The following ITFG1 variants were observed in gnomAD, a reference collection of about 807,000 sequenced individuals.
The protein encoded by ITFG1 is T-cell immunomodulatory protein.
A neutral mutation model predicts 81.8 loss-of-function variants in ITFG1; 34 were observed. That is an observed-to-expected ratio of 0.42 (90% CI 0.32 to 0.55). The LOEUF (loss-of-function observed/expected upper bound fraction) is 0.55, where lower values mean the gene tolerates loss of function less well. ITFG1 is among the 20% of genes least tolerant of loss of function. The pLI is 0.17. For missense variants in ITFG1, 672 were observed against 755.4 expected (o/e 0.89, Z 1.29); for synonymous variants, 285 against 270.6 (o/e 1.05, Z -0.52).
intron 8 of ITFG1, among the ~76,000 whole-genome samples, chr16:47,327,678 C>T (rs1284400144): frequency 1.3e-5 from 2 of 152,176 alleles, no homozygotes; most frequent in African/African-American, 4.8e-5. Context: ...TATGAACAGA[C>T]ACTTCTCAAA....
chr16:47,445,122 A>G (rs1596989563), intron 5 of ITFG1, among the ~76,000 whole-genome samples: 1 of 151,406 alleles, frequency 6.6e-6, no homozygotes, highest in Non-Finnish European at 1.5e-5. Flanking sequence ...AAAAAAAAAA[A>G]AAAAAGAAAA....
chr16:47,339,596 G>C (rs551033751), intron 8 of ITFG1, among the ~76,000 whole-genome samples: 1 of 152,048 alleles, frequency 6.6e-6, no homozygotes, highest in Non-Finnish European at 1.5e-5. Flanking sequence ...CCCTAGAAAT[G>C]GGGGGCCTCA....
At chr16:47,240,732 C>A (rs1965923559) in intron 12 of ITFG1, among the ~76,000 whole-genome samples, 1 of 152,126 alleles carries the variant, frequency 6.6e-6, no homozygotes, top group Non-Finnish European at 1.5e-5. Flanking sequence ...GGAAGGAAAT[C>A]TTGTCACATA....
At chr16:47,409,634 G>A (rs986559687) in intron 6 of ITFG1, among the ~76,000 whole-genome samples, 1 of 149,582 alleles carries the variant, frequency 6.7e-6, no homozygotes, top group African/African-American at 2.5e-5. Context: ...GGCCAGAATG[G>A]TCTCGATCTC....
rs143234886 is a variant in ITFG1, at chr16:47,454,878, C to T, written c.282-720G>A. ...AATTAGGCCTTTAATTCATTTTATA[C>T]TTAATTCTACTCAGATGAAATAGCA... On this transcript the variant is annotated intron_variant, in intron 2 of 17. Coordinates refer to ENST00000320640, the MANE Select transcript of ITFG1 (RefSeq NM_030790.5). 6.4e-4 allele frequency among the ~76,000 whole-genome samples: 98 copies of T among 152,256 alleles called. 1 individual carries two copies. The highest frequency in any genetic ancestry group is 2.1e-3 in the African/African-American group (88 of 41,546).
At chr16:47,166,677 C>A (rs1360746309) in intron 14 of ITFG1, among the ~76,000 whole-genome samples, 1 of 151,838 alleles carries the variant, frequency 6.6e-6, no homozygotes, top group Non-Finnish European at 1.5e-5. Context: ...AATTTTCCTG[C>A]CTATATCTTA....
chr16:47,187,886 A>G (rs1218904466), intron 14 of ITFG1, among the ~76,000 whole-genome samples: 1 of 151,984 alleles, frequency 6.6e-6, no homozygotes, highest in Non-Finnish European at 1.5e-5. Flanking sequence ...TAATATCCAG[A>G]ATCTACAATG....
chr16:47,327,084 G>T (rs1967558752), intron 8 of ITFG1, among the ~76,000 whole-genome samples: 1 of 152,198 alleles, frequency 6.6e-6, no homozygotes, highest in East Asian at 1.9e-4. Context: ...ATACTACAAG[G>T]CTACAGTAAC....
chr16:47,314,354 G>C (rs985398170), intron 8 of ITFG1, among the ~76,000 whole-genome samples: 7 of 152,064 alleles, frequency 4.6e-5, no homozygotes, highest in Non-Finnish European at 1.0e-4. Flanking sequence ...ATTATACAGA[G>C]TATTTTAAAC....
chr16:47,201,009 C>CATCA (rs1202800784), intron 14 of ITFG1, among the ~76,000 whole-genome samples: 1 of 152,110 alleles, frequency 6.6e-6, no homozygotes, highest in East Asian at 1.9e-4. Context: ...TAACAATGGA[C>CATCA]ATCAGGATTT....
At chr16:47,390,421 G>A (rs1391066000) in intron 6 of ITFG1, among the ~76,000 whole-genome samples, 1 of 152,012 alleles carries the variant, frequency 6.6e-6, no homozygotes. Flanking sequence ...CATAACTTCG[G>A]AATGAAATAA....
chr16:47,237,987 T>A lies in ITFG1; in HGVS notation c.1352A>T (p.Asn451Ile). Residue 451 changes from asparagine (N) to isoleucine (I), a missense_variant, in exon 13 of 18, where the codon AAT becomes ATT. Around this residue, in one of 3 missense-constraint regions of ITFG1, gnomAD observed 560 missense variants for 625.7 expected, o/e 0.90. Coordinates refer to ENST00000320640, the MANE Select transcript of ITFG1 (RefSeq NM_030790.5). ...TACTGTTATCTTACGAGGACAGTCA[T>A]TAGAACACAGACCACTAAGAACTGT... ...KVIVLSGLCS[N>I]DCPRKITPFG... The A allele has an allele frequency of 6.8e-7, 1 of 1,470,814 alleles. No homozygotes were observed. Among genetic ancestry groups the A allele is most frequent in the Non-Finnish European group, 9.3e-7 (1 of 1,079,976 alleles). 91.1% of individuals were successfully genotyped at this position (1,470,814 alleles called of 1,614,324 possible).
intron 10 of ITFG1, among the ~76,000 whole-genome samples, chr16:47,307,940 T>C (rs376650101): frequency 8.3e-4 from 127 of 152,316 alleles, no homozygotes; most frequent in African/African-American, 2.7e-3. Context: ...GAAAATGGCC[T>C]CTAGCTGCAT....
At chr16:47,182,901 A>G (rs751664714) in intron 14 of ITFG1, among the ~76,000 whole-genome samples, 1 of 152,116 alleles carries the variant, frequency 6.6e-6, no homozygotes, top group Non-Finnish European at 1.5e-5. Context: ...GGTGCAGGTC[A>G]GTGGGTGCGC....
At chr16:47,389,646 G>A (rs1466140644) in intron 6 of ITFG1, among the ~76,000 whole-genome samples, 2 of 152,172 alleles carry the variant, frequency 1.3e-5, no homozygotes, top group African/African-American at 4.8e-5. Flanking sequence ...GATGTAATAT[G>A]TATTACAATA....
At chr16:47,378,378 A>C (rs1237432119) in intron 6 of ITFG1, among the ~76,000 whole-genome samples, 2 of 152,234 alleles carry the variant, frequency 1.3e-5, no homozygotes, top group African/African-American at 4.8e-5. Flanking sequence ...CTGTGACCAC[A>C]TATGGTTAAG....
chr16:47,439,301 C>CA (rs796095724), intron 5 of ITFG1, among the ~76,000 whole-genome samples: 10 of 152,272 alleles, frequency 6.6e-5, no homozygotes, highest in African/African-American at 2.4e-4. Flanking sequence ...TCTAGCAAGG[C>CA]AGGCCAACAC....
chr16:47,427,789 C>T (rs1018474275), intron 6 of ITFG1, among the ~76,000 whole-genome samples: 6 of 152,272 alleles, frequency 3.9e-5, no homozygotes, highest in East Asian at 3.9e-4. Flanking sequence ...AAAAACATGT[C>T]GGAGAAAATC....
chr16:47,433,395 A>C (rs1969117649), intron 5 of ITFG1, among the ~76,000 whole-genome samples: 1 of 152,192 alleles, frequency 6.6e-6, no homozygotes, highest in South Asian at 2.1e-4. Context: ...CTGGCAACCA[A>C]CTGGCTTTGT....
Sources: gnomAD v4.1 joint callset for allele counts (sites outside exome capture counted in the v4.1 genomes callset) on GRCh38, gnomAD v4.1.1 for gene constraint, gnomAD v4.1.1 regional missense constraint, MANE v1.5 for transcripts, NCBI Gene and HGNC (gene_info 2026-07-23, HGNC 2026-07-21) for gene names.